The following SHLD2 variants were observed in gnomAD, a reference collection of about 807,000 sequenced individuals.
The protein encoded by SHLD2 is RINN1-REV7-interacting novel NHEJ regulator 2.
SHLD2 carries 30 observed loss-of-function variants against 73.2 expected under a neutral mutation model. The observed-to-expected ratio is 0.41, with a 90% confidence interval of 0.31 to 0.56. The LOEUF is 0.56. Among genes scored for constraint, SHLD2 ranks in the 20% least tolerant of loss-of-function variants. The pLI is 0.28. For synonymous variants in SHLD2, 285 were observed against 370.1 expected, an observed-to-expected ratio of 0.77 and a Z score of 2.64; for missense variants, 745 against 1,055.9, an observed-to-expected ratio of 0.71 and a Z score of 4.08.
intron 2 of SHLD2, among the ~76,000 whole-genome samples, chr10:87,106,776 G>A (rs957577950): frequency 6.6e-6 from 1 of 152,114 alleles, no homozygotes; most frequent in African/African-American, 2.4e-5. Context: ...GTAACACATA[G>A]GCAAGTGGAT....
At chr10:87,107,547 T>TTAAA (rs1842679805) in intron 2 of SHLD2, among the ~76,000 whole-genome samples, 2 of 152,200 alleles carry the variant, frequency 1.3e-5, no homozygotes, top group Admixed American at 6.5e-5. Flanking sequence ...AAGGCTGAGT[T>TTAAA]GAAGCAACCT....
At position 87,151,830 on chromosome 10, in the gene SHLD2, G is replaced by A. The variant is rs534044465; in HGVS notation, c.476G>A (p.Cys159Tyr). 1.1e-4 allele frequency: 178 copies of A among 1,611,944 alleles called. 1 individual carries two copies. In the East Asian group the frequency reaches 2.8e-3, roughly 25 times the overall value. Residue 159 changes from cysteine (C) to tyrosine (Y), a missense_variant, in exon 3 of 10, where the codon TGT (cysteine) becomes TAT (tyrosine). Cys to Tyr is a radical substitution (Grantham distance 194, BLOSUM62 -2). Coordinates refer to ENST00000298786, the MANE Select transcript of SHLD2 (RefSeq NM_001330112.2). ...DEQPKHQPDI[C>Y]GKNFNTNLFQ... Reference sequence around the variant, plus strand: ...CAGCCTAAACATCAGCCAGATATATGTGGTAAGAACTTTAACACAAATTTG... The same window carrying A: ...CAGCCTAAACATCAGCCAGATATATATGGTAAGAACTTTAACACAAATTTG...
intron 2 of SHLD2, among the ~76,000 whole-genome samples, chr10:87,135,007 C>T (rs1844701041): frequency 6.6e-6 from 1 of 152,036 alleles, no homozygotes; most frequent in Admixed American, 6.6e-5. Context: ...GATAGAGCTC[C>T]TACAGTTTTT....
At chr10:87,155,244 CTT>C (rs1031099092) in intron 3 of SHLD2, among the ~76,000 whole-genome samples, 1 of 152,322 alleles carries the variant, frequency 6.6e-6, no homozygotes, top group African/African-American at 2.4e-5. Flanking sequence ...CGAGTACAAT[CTT>C]TTATAAAGAG....
chr10:87,136,975 C>G (rs543129494), intron 2 of SHLD2, among the ~76,000 whole-genome samples: 1 of 152,290 alleles, frequency 6.6e-6, no homozygotes, highest in East Asian at 1.9e-4. Context: ...GACTCAGACT[C>G]CCTTCTAGTG....
intron 2 of SHLD2, among the ~76,000 whole-genome samples, chr10:87,149,044 T>C (rs11202345): frequency 0.87 from 131,353 of 151,154 alleles, 57,972 homozygotes; most frequent in African/African-American, 0.97. Flanking sequence ...TGTGCCATCA[T>C]GCCCTGGTAA....
At chr10:87,160,323 C>A (rs11202354) in intron 4 of SHLD2, among the ~76,000 whole-genome samples, 2,415 of 152,034 alleles carry the variant, frequency 0.016, 76 homozygotes, top group African/African-American at 0.055. Context: ...CTCATCTCTA[C>A]TAAAAATACG....
chr10:87,112,147 A>G (rs1327097032), intron 2 of SHLD2, among the ~76,000 whole-genome samples: 4 of 151,226 alleles, frequency 2.6e-5, no homozygotes, highest in Non-Finnish European at 5.9e-5. Flanking sequence ...CTGAGGCAGG[A>G]GAATGGTTTG....
In SHLD2 at chr10:87,180,412, G is replaced by C. The variant is rs911956876; in HGVS notation, c.2399+109G>C. ...AAATAATTAACTAGAGCTAGTCGAAGAGAATAAAATTTTCCGAGTGATAGA... is the reference window on the plus strand; with the variant it reads ...AAATAATTAACTAGAGCTAGTCGAACAGAATAAAATTTTCCGAGTGATAGA... On this transcript the variant is annotated intron_variant, in intron 8 of 9. Coordinates refer to ENST00000298786, the MANE Select transcript of SHLD2 (RefSeq NM_001330112.2). 4 of 1,430,540 alleles carry C rather than the reference G, an allele frequency of 2.8e-6. No individual in the cohort carries two copies. In the African/African-American group the frequency reaches 5.8e-5, roughly 21 times the overall value. The allele number at this position is 1,430,540 out of a possible 1,614,324, so 88.6% of individuals were successfully genotyped here.
upstream of SHLD2, chr10:87,094,810 G>T: frequency 1.4e-6 from 2 of 1,479,262 alleles, no homozygotes; most frequent in Non-Finnish European, 1.8e-6. This position sits in a 1 kb window ranked among gnomAD's most constrained non-coding sequence, Gnocchi z 6.6. Flanking sequence ...TCGCGAAACA[G>T]GCGCGCTTTC....
intron 9 of SHLD2, among the ~76,000 whole-genome samples, chr10:87,188,468 G>A (rs1328353198): frequency 6.6e-6 from 1 of 152,076 alleles, no homozygotes; most frequent in Admixed American, 6.5e-5. Context: ...GAGGCCAGAT[G>A]GTGCTTTGTG....
rs1472012080 is a variant in SHLD2, at chr10:87,151,365, G to A, written c.11G>A (p.Gly4Glu). The A allele has an allele frequency of 1.9e-6, 3 of 1,548,140 alleles. No individual in the cohort carries two copies. The East Asian group carries it at 6.8e-5, about 35-fold the overall frequency. Residue 4 changes from glycine (G) to glutamate (E), a missense_variant, in exon 3 of 10, where the codon GGA (glycine) becomes GAA (glutamate). Gly to Glu is a moderately conservative substitution (Grantham distance 98, BLOSUM62 -2). This residue lies in a region of SHLD2 where 280 missense variants were observed against 353.9 expected (regional missense o/e 0.79). Transcript: ENST00000298786. ...TTTTTATCAGAAATCATGAGTGGAGGATCTCAAGTCCACATTTTTTGGGGT... is the reference window on the plus strand; with the variant it reads ...TTTTTATCAGAAATCATGAGTGGAGAATCTCAAGTCCACATTTTTTGGGGT... MSGGSQVHIFWGAP... is the reference protein window; with the variant it reads MSGESQVHIFWGAP...
intron 2 of SHLD2, among the ~76,000 whole-genome samples, chr10:87,132,625 T>G (rs1379316004): frequency 6.6e-6 from 1 of 151,790 alleles, no homozygotes; most frequent in Non-Finnish European, 1.5e-5. Flanking sequence ...AAATGAAAAA[T>G]TAACCAGGCT....
chr10:87,135,740 A>G (rs80131341), intron 2 of SHLD2, among the ~76,000 whole-genome samples: 23,962 of 149,798 alleles, frequency 0.16, 2,042 homozygotes, highest in African/African-American at 0.19. Context: ...GGCTCATGCA[A>G]TCCTCCCACT....
At chr10:87,104,167 G>C (rs1425687691) in intron 2 of SHLD2, among the ~76,000 whole-genome samples, 1 of 149,932 alleles carries the variant, frequency 6.7e-6, no homozygotes, top group African/African-American at 2.5e-5. Context: ...AACCCGGGAG[G>C]CGGAGGTTGT....
chr10:87,183,704 A>G (rs896873685), intron 8 of SHLD2, among the ~76,000 whole-genome samples: 1 of 152,098 alleles, frequency 6.6e-6, no homozygotes, highest in African/African-American at 2.4e-5. Context: ...GCTTTTGTCA[A>G]AGTTACACTT....
intron 2 of SHLD2, among the ~76,000 whole-genome samples, chr10:87,119,660 C>A (rs1843467177): frequency 6.6e-6 from 1 of 151,168 alleles, no homozygotes; most frequent in African/African-American, 2.5e-5. Flanking sequence ...CTCGGGTAGT[C>A]CCAACTACTC....
rs1412823909 is a variant in SHLD2, at chr10:87,176,100, G to C, written c.2170+5G>C. On this transcript the variant is annotated splice_donor_5th_base_variant and intron_variant, in intron 7 of 9. Coordinates refer to ENST00000298786, the MANE Select transcript of SHLD2 (RefSeq NM_001330112.2). ...ACCTAGAGGATAAGTGTTCAGGTAAGATCTTTATATACATAAATTCTGCTA... is the reference window on the plus strand; with the variant it reads ...ACCTAGAGGATAAGTGTTCAGGTAACATCTTTATATACATAAATTCTGCTA... The C allele has an allele frequency of 6.5e-7, 1 of 1,548,124 alleles. No individual in the cohort carries two copies. The highest frequency in any genetic ancestry group is 8.7e-7 in the Non-Finnish European group (1 of 1,146,762).
intron 2 of SHLD2, among the ~76,000 whole-genome samples, chr10:87,141,890 G>A (rs564442873): frequency 1.3e-5 from 2 of 152,194 alleles, no homozygotes; most frequent in African/African-American, 4.8e-5. Flanking sequence ...AATTAGCTGG[G>A]TGTGGTGGTG....
Sources: gnomAD v4.1 joint callset for allele counts (sites outside exome capture counted in the v4.1 genomes callset) on GRCh38, gnomAD v4.1.1 for gene constraint, gnomAD v4.1.1 regional missense constraint, Gnocchi (gnomAD v3.1) non-coding constraint, MANE v1.5 for transcripts, NCBI Gene and HGNC (gene_info 2026-07-23, HGNC 2026-07-21) for gene names.